Variants in PPP3CA observed in about 807,000 individuals in gnomAD.
The protein encoded by PPP3CA is protein phosphatase 3 catalytic subunit alpha, also known as CAM-PRP catalytic subunit.
PPP3CA carries 14 observed loss-of-function variants against 66.5 expected under a neutral mutation model. The ratio of observed to expected loss-of-function variants is 0.21; its 90% CI spans 0.14 to 0.33. The LOEUF (loss-of-function observed/expected upper bound fraction) is 0.33. Ranked by LOEUF, PPP3CA falls within the 10% of genes least tolerant of loss-of-function variation. The pLI, the probability that PPP3CA is intolerant of heterozygous loss-of-function variation, is 1.00. For missense variants in PPP3CA, 317 were observed against 639.5 expected, an observed-to-expected ratio of 0.50 and a Z score of 5.44; for synonymous variants, 232 against 226.2, an observed-to-expected ratio of 1.03 and a Z score of -0.23.
At chr4:101,210,731 T>C (rs1311121131) in intron 1 of PPP3CA, among the ~76,000 whole-genome samples, 1 of 152,186 alleles carries the variant, frequency 6.6e-6, no homozygotes, top group African/African-American at 2.4e-5. Context: ...CATTCTTTAG[T>C]TGGTTTGTGT....
At chr4:101,328,245 T>A (rs531655014) in intron 1 of PPP3CA, among the ~76,000 whole-genome samples, 21 of 152,286 alleles carry the variant, frequency 1.4e-4, no homozygotes, top group African/African-American at 5.1e-4. Context: ...TCAAAATGCG[T>A]TTATGAATCA....
At chr4:101,058,429 G>C (rs892482912) in intron 10 of PPP3CA, among the ~76,000 whole-genome samples, 1 of 152,114 alleles carries the variant, frequency 6.6e-6, no homozygotes, top group Non-Finnish European at 1.5e-5. Context: ...TTTCTAGCTG[G>C]TAAGAGCAGG....
chr4:101,329,224 A>G (rs1201009476), intron 1 of PPP3CA, among the ~76,000 whole-genome samples: 2 of 152,176 alleles, frequency 1.3e-5, no homozygotes, highest in Admixed American at 1.3e-4. Flanking sequence ...GCCTAATGCC[A>G]ATATAAGAAA....
At chr4:101,228,314 T>C (rs1166733917) in intron 1 of PPP3CA, among the ~76,000 whole-genome samples, 4 of 151,644 alleles carry the variant, frequency 2.6e-5, no homozygotes, top group Non-Finnish European at 5.9e-5. Context: ...GCAAAAATTA[T>C]TGAGGTGCTA....
intron 11 of PPP3CA, among the ~76,000 whole-genome samples, chr4:101,033,293 AAC>A (rs70961772): frequency 0.22 from 30,814 of 139,012 alleles, 3,753 homozygotes; most frequent in East Asian, 0.65. Flanking sequence ...CACACACACA[AAC>A]ACACACACAC....
intron 1 of PPP3CA, among the ~76,000 whole-genome samples, chr4:101,338,797 C>T (rs1729717822): frequency 6.6e-6 from 1 of 152,204 alleles, no homozygotes; most frequent in South Asian, 2.1e-4. Context: ...ATGTGTGTAA[C>T]TTTAATAGCA....
intron 2 of PPP3CA, among the ~76,000 whole-genome samples, chr4:101,190,499 CAT>C (rs1179773655): frequency 2.0e-5 from 3 of 152,156 alleles, no homozygotes; most frequent in Admixed American, 6.6e-5. Flanking sequence ...GATAGCGCTA[CAT>C]GTTTATTGAT....
At chr4:101,163,244 A>C (rs1723577397) in intron 2 of PPP3CA, among the ~76,000 whole-genome samples, 1 of 152,162 alleles carries the variant, frequency 6.6e-6, no homozygotes, top group African/African-American at 2.4e-5. Context: ...AGCAACAAGA[A>C]ACCTGAACTG....
intron 2 of PPP3CA, among the ~76,000 whole-genome samples, chr4:101,149,164 T>C (rs555172774): frequency 6.6e-6 from 1 of 152,158 alleles, no homozygotes; most frequent in East Asian, 1.9e-4. Context: ...AAGTTGCTTA[T>C]GATAAAAAAT....
intron 1 of PPP3CA, among the ~76,000 whole-genome samples, chr4:101,202,450 A>C (rs531970372): frequency 6.6e-6 from 1 of 152,298 alleles, no homozygotes; most frequent in Non-Finnish European, 1.5e-5. Flanking sequence ...CTAGATTAAA[A>C]AAAAGTATAT....
At chr4:101,135,688 A>T (rs1160473720) in intron 2 of PPP3CA, among the ~76,000 whole-genome samples, 2 of 152,254 alleles carry the variant, frequency 1.3e-5, no homozygotes, top group Non-Finnish European at 2.9e-5. Context: ...AAGAAAATTC[A>T]TTTATAACAA....
intron 1 of PPP3CA, among the ~76,000 whole-genome samples, chr4:101,306,269 C>T (rs1307668349): frequency 6.6e-6 from 1 of 152,128 alleles, no homozygotes; most frequent in Non-Finnish European, 1.5e-5. Flanking sequence ...AACACTGCCT[C>T]AGGTGAGGCT....
intron 2 of PPP3CA, among the ~76,000 whole-genome samples, chr4:101,110,106 G>GTA: frequency 6.6e-6 from 1 of 152,134 alleles, no homozygotes; most frequent in African/African-American, 2.4e-5. Context: ...GTGTGTATGT[G>GTA]TATATATATT....
At chr4:101,106,368 GAGAGA>G (rs1400870311) in intron 3 of PPP3CA, among the ~76,000 whole-genome samples, 1 of 29,694 alleles carries the variant, frequency 3.4e-5, no homozygotes, top group Non-Finnish European at 7.5e-5. Flanking sequence ...TCATTTAAAA[GAGAGA>G]AAAGAAAGAA....
rs199772473 is a variant in PPP3CA at position 101,215,336 on chromosome 4, TATAA to T, written c.59-19224_59-19221del. ...AGGCATTAAGCAAAATATCAGAGAA[TATAA>T]ATAGACTTCTCTAATATTTGGATGT... is the stretch of plus-strand genomic sequence containing the variant. On this transcript the variant is annotated intron_variant, in intron 1 of 13. Coordinates refer to ENST00000394854, the MANE Select transcript of PPP3CA (RefSeq NM_000944.5). Among the ~76,000 whole-genome samples the T allele has an allele frequency of 3.2e-3, 489 of 152,162 alleles. 4 individuals carry two copies. Among genetic ancestry groups the T allele is most frequent in the Middle Eastern group, 0.021 (6 of 292 alleles).
intron 1 of PPP3CA, among the ~76,000 whole-genome samples, chr4:101,246,932 C>T (rs1213279251): frequency 1.3e-5 from 2 of 152,108 alleles, no homozygotes; most frequent in Non-Finnish European, 2.9e-5. Context: ...AGCTACCCCA[C>T]AAAATAACAG....
At chr4:101,118,587 T>C (rs907004510) in intron 2 of PPP3CA, among the ~76,000 whole-genome samples, 1 of 152,086 alleles carries the variant, frequency 6.6e-6, no homozygotes, top group Non-Finnish European at 1.5e-5. Context: ...GTATTCCTCC[T>C]GTTTGACCTT....
rs553193366 is a variant in PPP3CA at position 101,243,345 on chromosome 4, C to T, written c.59-47229G>A. ...AGAACATATTGCCCATTCTGAACCA[C>T]GTATAAAAGCATTAGGCTAAGAAAC... On this transcript the variant is annotated intron_variant, in intron 1 of 13. Coordinates refer to ENST00000394854, the MANE Select transcript of PPP3CA (RefSeq NM_000944.5). Among the ~76,000 whole-genome samples the T allele has an allele frequency of 1.8e-4, 27 of 152,204 alleles. No individual in the cohort carries two copies. The South Asian group carries it at 2.1e-3, about 12-fold the overall frequency.
chr4:101,164,348 A>C (rs72681044), intron 2 of PPP3CA, among the ~76,000 whole-genome samples: 4,811 of 152,270 alleles, frequency 0.032, 105 homozygotes, highest in Non-Finnish European at 0.046. Flanking sequence ...TCTACTGTTA[A>C]GACAGTAAGG....
Sources: allele counts gnomAD v4.1 joint callset (sites outside exome capture counted in the v4.1 genomes callset), GRCh38; gene constraint gnomAD v4.1.1; transcripts MANE v1.5; gene names NCBI Gene and HGNC (gene_info 2026-07-23, HGNC 2026-07-21).